Variants in LYPD6B observed in about 807,000 individuals in gnomAD.
LYPD6B encodes the protein ly6/PLAUR domain-containing protein 6B.
Under a neutral mutation model 22.8 loss-of-function variants are expected in LYPD6B, and 17 were observed. The ratio of observed to expected loss-of-function variants is 0.75; its 90% CI spans 0.51 to 1.12. The LOEUF is 1.12. Among genes scored for constraint, LYPD6B ranks in the 50% most tolerant of loss-of-function variants. The pLI is 0.00. For missense variants in LYPD6B, 221 were observed against 258.3 expected, an observed-to-expected ratio of 0.86 and a Z score of 0.99; for synonymous variants, 106 against 91.6, an observed-to-expected ratio of 1.16 and a Z score of -0.90.
intron 2 of LYPD6B, among the ~76,000 whole-genome samples, chr2:149,141,329 CA>C (rs1309218147): frequency 6.6e-6 from 1 of 152,112 alleles, no homozygotes; most frequent in African/African-American, 2.4e-5. Flanking sequence ...GCGTGGAGTA[CA>C]GGGGGGAGAG....
At chr2:149,178,502 C>T (rs1441604109) in intron 3 of LYPD6B, among the ~76,000 whole-genome samples, 4 of 152,130 alleles carry the variant, frequency 2.6e-5, no homozygotes, top group Non-Finnish European at 5.9e-5. Flanking sequence ...AACGAAGTGA[C>T]GGAGGCCATG....
chr2:149,203,088 C>T (rs528985777), intron 3 of LYPD6B, among the ~76,000 whole-genome samples: 1 of 152,260 alleles, frequency 6.6e-6, no homozygotes, highest in African/African-American at 2.4e-5. Flanking sequence ...GCACTCAGCG[C>T]GTGCAAACTA....
At chr2:149,187,300 A>G in intron 3 of LYPD6B, 1 of 989,344 alleles carries the variant, frequency 1.0e-6, no homozygotes, top group Non-Finnish European at 1.3e-6. Context: ...CAGAATTTGA[A>G]TAATGCACTA....
chr2:149,102,214 AG>A (rs1558998402), intron 1 of LYPD6B, among the ~76,000 whole-genome samples: 6 of 152,376 alleles, frequency 3.9e-5, no homozygotes, highest in African/African-American at 1.4e-4. Context: ...ACTTTAAAAA[AG>A]TAGTTCATAA....
At chr2:149,056,618 T>C (rs183581029) in intron 1 of LYPD6B, among the ~76,000 whole-genome samples, 55 of 152,324 alleles carry the variant, frequency 3.6e-4, no homozygotes, top group Admixed American at 1.4e-3. Context: ...CTTATTTCTC[T>C]GAAATGTTTT....
intron 3 of LYPD6B, among the ~76,000 whole-genome samples, chr2:149,170,597 T>C (rs1690750446): frequency 6.6e-6 from 1 of 152,194 alleles, no homozygotes; most frequent in Non-Finnish European, 1.5e-5. Context: ...AAAGTCTTAA[T>C]ATTTATATTT....
At chr2:149,139,419 C>A (rs1688555578) in intron 2 of LYPD6B, among the ~76,000 whole-genome samples, 1 of 152,106 alleles carries the variant, frequency 6.6e-6, no homozygotes, top group African/African-American at 2.4e-5. Flanking sequence ...TAATCTGCCG[C>A]TTCATTAGGT....
intron 1 of LYPD6B, among the ~76,000 whole-genome samples, chr2:149,051,867 T>C (rs920076536): frequency 1.1e-4 from 16 of 152,176 alleles, no homozygotes; most frequent in African/African-American, 3.6e-4. Flanking sequence ...GGTTTCACCA[T>C]GTTGGCCAGG....
chr2:149,205,849 C>T (rs561350729), intron 4 of LYPD6B, among the ~76,000 whole-genome samples: 13 of 152,248 alleles, frequency 8.5e-5, no homozygotes, highest in South Asian at 6.2e-4. Context: ...ATTACTACCG[C>T]GCGTAATCAC....
At chr2:149,196,497 C>A (rs559487710) in intron 3 of LYPD6B, among the ~76,000 whole-genome samples, 184 of 152,230 alleles carry the variant, frequency 1.2e-3, no homozygotes, top group Admixed American at 2.2e-3. Flanking sequence ...CAATGGTCAG[C>A]GACATGAAAC....
At chr2:149,087,427 T>A (rs900925276) in intron 1 of LYPD6B, among the ~76,000 whole-genome samples, 1 of 152,130 alleles carries the variant, frequency 6.6e-6, no homozygotes, top group East Asian at 1.9e-4. Flanking sequence ...ATGGTTGAGT[T>A]TGACGGCTCA....
chr2:149,042,518 G>A (rs2105249812), intron 1 of LYPD6B, among the ~76,000 whole-genome samples: 1 of 152,302 alleles, frequency 6.6e-6, no homozygotes, highest in African/African-American at 2.4e-5. Flanking sequence ...ATACTGCCAT[G>A]GGCTGGCCAG....
intron 1 of LYPD6B, among the ~76,000 whole-genome samples, chr2:149,071,789 C>T (rs976931185): frequency 7.9e-5 from 12 of 152,072 alleles, no homozygotes; most frequent in African/African-American, 2.7e-4. Flanking sequence ...CAAAGAGCCA[C>T]GAAGGAAAAC....
At chr2:149,081,339 AGG>A (rs1685125192) in intron 1 of LYPD6B, among the ~76,000 whole-genome samples, 1 of 152,194 alleles carries the variant, frequency 6.6e-6, no homozygotes, top group South Asian at 2.1e-4. Context: ...TGATGATTTT[AGG>A]TAATACCACC....
intron 1 of LYPD6B, among the ~76,000 whole-genome samples, chr2:149,130,060 A>C (rs1393971540): frequency 6.6e-6 from 1 of 152,206 alleles, no homozygotes; most frequent in East Asian, 1.9e-4. Flanking sequence ...TAGGCCCCTA[A>C]GAGGCCAACT....
intron 1 of LYPD6B, among the ~76,000 whole-genome samples, chr2:149,058,777 G>A (rs1419747615): frequency 4.6e-5 from 7 of 152,116 alleles, no homozygotes; most frequent in Non-Finnish European, 8.8e-5. Context: ...CTGCCACGAC[G>A]CCCAGCTAAT....
At chr2:149,053,330 A>G (rs891491078) in intron 1 of LYPD6B, among the ~76,000 whole-genome samples, 4 of 152,224 alleles carry the variant, frequency 2.6e-5, no homozygotes, top group Admixed American at 1.3e-4. Flanking sequence ...TGTACCATAA[A>G]TAGCTTAACA....
At chr2:149,190,851 T>G (rs1185075571) in intron 3 of LYPD6B, among the ~76,000 whole-genome samples, 2 of 152,180 alleles carry the variant, frequency 1.3e-5, no homozygotes. Flanking sequence ...AGTTATATGT[T>G]TCTTAACTTT....
intron 1 of LYPD6B, among the ~76,000 whole-genome samples, chr2:149,098,641 A>G (rs1469749641): frequency 7.3e-5 from 11 of 150,398 alleles, no homozygotes; most frequent in Non-Finnish European, 1.6e-4. Flanking sequence ...AAAAAAAAAA[A>G]AAAAAAAAGA....
Sources: gnomAD v4.1 joint callset for allele counts (sites outside exome capture counted in the v4.1 genomes callset) on GRCh38, gnomAD v4.1.1 for gene constraint, MANE v1.5 for transcripts, NCBI Gene and HGNC (gene_info 2026-07-23, HGNC 2026-07-21) for gene names.